The following IL1RAPL2 variants were observed in gnomAD, a reference collection of about 807,000 sequenced individuals.
IL1RAPL2 encodes interleukin 1 receptor accessory protein like 2.
IL1RAPL2 carries 3 observed loss-of-function variants against 44.1 expected under a neutral mutation model. The ratio of observed to expected loss-of-function variants is 0.07; its 90% CI spans 0.03 to 0.18. The LOEUF is 0.18. IL1RAPL2 is among the 10% of genes least tolerant of loss of function. The pLI is 1.00. For missense variants in IL1RAPL2, 391 were observed against 496.4 expected (o/e 0.79, Z 2.02); for synonymous variants, 181 against 178.8 (o/e 1.01, Z -0.10).
chrX:105,009,313 A>G (rs748163054), intron 2 of IL1RAPL2, among the ~76,000 whole-genome samples: 18 of 110,560 alleles, frequency 1.6e-4, no homozygotes, highest in South Asian at 7.8e-4. Context: ...TGTTTATTGC[A>G]GCACTATTCA....
intron 2 of IL1RAPL2, among the ~76,000 whole-genome samples, chrX:104,786,338 C>T (rs1932797862): frequency 8.9e-6 from 1 of 111,968 alleles, no homozygotes; most frequent in Non-Finnish European, 1.9e-5. Context: ...TGTATCTGTT[C>T]CAAACTGCTT....
chrX:104,582,566 C>T (rs751391681), intron 1 of IL1RAPL2, among the ~76,000 whole-genome samples: 2 of 90,386 alleles, frequency 2.2e-5, no homozygotes, highest in Admixed American at 1.2e-4. Flanking sequence ...CTCCTTTCTC[C>T]TCTTTCTTTC....
Position 104,904,372 on chromosome X carries a change from T to C in IL1RAPL2, c.82+245377T>C, listed in dbSNP as rs189908125. Among the ~76,000 whole-genome samples, 418 of 108,056 alleles carry C rather than the reference T, an allele frequency of 3.9e-3. 1 individual carries two copies. The highest frequency in any genetic ancestry group is 8.6e-3 in the South Asian group (20 of 2,319). The allele number at this position is 108,056 out of a possible 115,157, so 93.8% of individuals were successfully genotyped here. A position where few individuals can be genotyped will look rare whatever the true frequency, so the allele number is the denominator to read the frequency against. On this transcript the variant is annotated intron_variant, in intron 2 of 10. Coordinates refer to ENST00000372582, the MANE Select transcript of IL1RAPL2 (RefSeq NM_017416.2). ...ATTGTGCAGGTTAGTTACATATGTATACATGTGCCATGCTGGTGCGCTGCA... is the reference window on the plus strand; with the variant it reads ...ATTGTGCAGGTTAGTTACATATGTACACATGTGCCATGCTGGTGCGCTGCA...
Position 104,907,838 on chromosome X carries a change from C to G in IL1RAPL2, c.82+248843C>G, listed in dbSNP as rs767044183. ...TTATGTCTGCTTGGTGCAGAGCTGA[C>G]TTCAATTCCTGGGTATCCTTGTTGA... On this transcript the variant is annotated intron_variant, in intron 2 of 10. Coordinates refer to ENST00000372582, the MANE Select transcript of IL1RAPL2 (RefSeq NM_017416.2). 1.4e-3 allele frequency among the ~76,000 whole-genome samples: 154 copies of G among 110,241 alleles called. 1 individual carries two copies. The highest frequency in any genetic ancestry group is 4.9e-3 in the Admixed American group (50 of 10,268).
chrX:104,700,166 C>T (rs905176439), intron 2 of IL1RAPL2, among the ~76,000 whole-genome samples: 36 of 111,872 alleles, frequency 3.2e-4, no homozygotes, highest in African/African-American at 8.1e-4. Context: ...ACTTTCTTAA[C>T]GACACAGGGG....
At chrX:104,915,883 A>T (rs1924409202) in intron 2 of IL1RAPL2, among the ~76,000 whole-genome samples, 2 of 111,420 alleles carry the variant, frequency 1.8e-5, no homozygotes, top group African/African-American at 3.3e-5. Context: ...AGTTGTAGAT[A>T]TGTGGCATTA....
chrX:105,433,999 C>T (rs746495127), intron 5 of IL1RAPL2, among the ~76,000 whole-genome samples: 1 of 110,984 alleles, frequency 9.0e-6, no homozygotes, highest in Non-Finnish European at 1.9e-5. Flanking sequence ...CTAACAAACT[C>T]GAATTTATAA....
intron 1 of IL1RAPL2, among the ~76,000 whole-genome samples, chrX:104,598,930 C>A (rs1182423268): frequency 8.9e-6 from 1 of 112,117 alleles, no homozygotes; most frequent in Admixed American, 9.5e-5. Flanking sequence ...ATGTGAAAGA[C>A]ATTTAACAAA....
At chrX:104,820,830 C>G (rs1312266407) in intron 2 of IL1RAPL2, among the ~76,000 whole-genome samples, 1 of 111,854 alleles carries the variant, frequency 8.9e-6, no homozygotes, top group African/African-American at 3.2e-5. Context: ...GTAAAAATGC[C>G]TAATGTGATA....
At chrX:104,981,055 T>TTTGTGTG (rs1391647109) in intron 2 of IL1RAPL2, among the ~76,000 whole-genome samples, 1 of 97,390 alleles carries the variant, frequency 1.0e-5, no homozygotes, top group African/African-American at 3.9e-5. Flanking sequence ...TTCCAAGGTA[T>TTTGTGTG]TGTGTGTGTG....
At position 105,267,465 on chromosome X, in the gene IL1RAPL2, A is replaced by T. The variant is rs1284683533; in HGVS notation, c.621A>T (p.Glu207Asp). ...TTCTGATCCAAGAAGTTCAAGAAGAAGATGGAGGAAATTACACATGTGAAC... is the reference window on the plus strand; with the variant it reads ...TTCTGATCCAAGAAGTTCAAGAAGATGATGGAGGAAATTACACATGTGAAC... ...NALLIQEVQE[E>D]DGGNYTCELK... Residue 207 changes from glutamate (E) to aspartate (D), a missense_variant, in exon 5 of 11, where the codon GAA becomes GAT. Around this residue, in one of 2 missense-constraint regions of IL1RAPL2, gnomAD observed 159 missense variants for 251.7 expected, o/e 0.63. Coordinates refer to ENST00000372582, the MANE Select transcript of IL1RAPL2 (RefSeq NM_017416.2). The T allele has an allele frequency of 5.9e-6, 7 of 1,193,703 alleles. No individual in the cohort carries two copies. The highest frequency in any genetic ancestry group is 1.8e-5 in the African/African-American group (1 of 56,899).
intron 6 of IL1RAPL2, among the ~76,000 whole-genome samples, chrX:105,601,724 C>T (rs192936287): frequency 8.4e-4 from 93 of 110,883 alleles, no homozygotes; most frequent in Non-Finnish European, 1.2e-3. Flanking sequence ...TGGCATGGCA[C>T]CATTTTGAGA....
intron 2 of IL1RAPL2, among the ~76,000 whole-genome samples, chrX:104,817,940 A>G (rs1921182031): frequency 1.8e-5 from 2 of 111,349 alleles, no homozygotes; most frequent in Admixed American, 9.6e-5. Flanking sequence ...GTCCTGTGGT[A>G]GTGCCATTCA....
chrX:105,577,718 G>T (rs963110648), intron 6 of IL1RAPL2, among the ~76,000 whole-genome samples: 5 of 110,133 alleles, frequency 4.5e-5, no homozygotes, highest in Non-Finnish European at 9.5e-5. Flanking sequence ...GAATATAATA[G>T]TTTGTCCCCT....
At chrX:105,161,279 G>T (rs1359285140) in intron 2 of IL1RAPL2, among the ~76,000 whole-genome samples, 1 of 108,638 alleles carries the variant, frequency 9.2e-6, no homozygotes, top group Non-Finnish European at 1.9e-5. Context: ...TACTTAAATT[G>T]CTAATCTGTT....
chrX:105,454,077 C>A lies in IL1RAPL2; in HGVS notation c.698-30236C>A, dbSNP rs2036038584. On this transcript the variant is annotated intron_variant, in intron 5 of 10. Coordinates refer to ENST00000372582, the MANE Select transcript of IL1RAPL2 (RefSeq NM_017416.2). ...GATGTCAGCATACGAAGCAAAGCAC[C>A]CAACTGGGATCAGCTCAGAACCAAG... Among the ~76,000 whole-genome samples the A allele has an allele frequency of 3.6e-5, 4 of 111,072 alleles. No homozygotes were observed. In the Admixed American group the frequency reaches 3.8e-4, roughly 11 times the overall value.
At chrX:104,797,711 A>T (rs1438831015) in intron 2 of IL1RAPL2, among the ~76,000 whole-genome samples, 2 of 112,234 alleles carry the variant, frequency 1.8e-5, no homozygotes, top group Non-Finnish European at 3.8e-5. Flanking sequence ...GCCAGACAAC[A>T]AAGCCTCAAG....
At chrX:104,623,614 C>T (rs1269406979) in intron 1 of IL1RAPL2, among the ~76,000 whole-genome samples, 2 of 111,041 alleles carry the variant, frequency 1.8e-5, no homozygotes, top group African/African-American at 3.3e-5. Context: ...GGTTGTTATC[C>T]CAGCCATTGA....
At chrX:104,883,976 T>C (rs1377370052) in intron 2 of IL1RAPL2, among the ~76,000 whole-genome samples, 9 of 112,111 alleles carry the variant, frequency 8.0e-5, no homozygotes, top group Non-Finnish European at 1.1e-4. Context: ...GGGCATAACA[T>C]CTTTATAGGA....
Sources: allele counts gnomAD v4.1 joint callset (sites outside exome capture counted in the v4.1 genomes callset), GRCh38; gene constraint gnomAD v4.1.1; regional missense constraint gnomAD v4.1.1; transcripts MANE v1.5; gene names NCBI Gene and HGNC (gene_info 2026-07-23, HGNC 2026-07-21).